The following LY96 variants were observed in gnomAD, a reference collection of about 807,000 sequenced individuals.
LY96 encodes the protein lymphocyte antigen 96.
A neutral mutation model predicts 18.9 loss-of-function variants in LY96; 18 were observed. The observed-to-expected ratio is 0.95, with a 90% CI of 0.66 to 1.41. The LOEUF is 1.41. Ranked by LOEUF, LY96 falls within the 40% of genes most tolerant of loss-of-function variation. The pLI, the probability that LY96 is intolerant of heterozygous loss-of-function variation, is 0.00. For missense variants in LY96, 175 were observed against 182.4 expected (o/e 0.96, Z 0.23); for synonymous variants, 66 against 62.6 (o/e 1.06, Z -0.26).
At chr8:74,094,961 G>C in the LY96 span, among the ~76,000 whole-genome samples, 1 of 152,224 alleles carries the variant, frequency 6.6e-6, no homozygotes, top group Non-Finnish European at 1.5e-5. Context: ...TGATTTTACA[G>C]AGTTGATAGA....
intron 1 of LY96, among the ~76,000 whole-genome samples, chr8:73,997,392 T>C (rs1350766263): frequency 6.6e-6 from 1 of 152,160 alleles, no homozygotes; most frequent in Non-Finnish European, 1.5e-5. Context: ...TAAATTGCCC[T>C]CCCTCTGCTT....
chr8:74,001,050 A>C (rs977271628), intron 1 of LY96, among the ~76,000 whole-genome samples: 2 of 152,170 alleles, frequency 1.3e-5, no homozygotes, highest in African/African-American at 4.8e-5. Flanking sequence ...CTGGGGATTA[A>C]ATTTCCAATG....
chr8:74,001,331 C>G (rs1053544681), intron 1 of LY96, among the ~76,000 whole-genome samples: 26 of 150,880 alleles, frequency 1.7e-4, no homozygotes, highest in African/African-American at 6.3e-4. Flanking sequence ...CTGAGTGATT[C>G]TTGTGCCTCA....
At chr8:74,095,858 C>T in the LY96 span, among the ~76,000 whole-genome samples, 1 of 152,172 alleles carries the variant, frequency 6.6e-6, no homozygotes, top group African/African-American at 2.4e-5. Flanking sequence ...ACCTCCAGCC[C>T]ACACCTGTCC....
the LY96 span, among the ~76,000 whole-genome samples, chr8:74,066,015 G>A: frequency 6.6e-6 from 1 of 152,194 alleles, no homozygotes; most frequent in Non-Finnish European, 1.5e-5. Flanking sequence ...AACCTTGTAT[G>A]TGAGGGAAGG....
Position 73,995,126 on chromosome 8 carries a change from T to G in LY96, c.112+3572T>G, listed in dbSNP as rs549953147. Among the ~76,000 whole-genome samples the G allele has an allele frequency of 2.0e-5, 3 of 152,350 alleles. No individual in the cohort carries two copies. The East Asian group carries it at 5.8e-4, about 29-fold the overall frequency. On this transcript the variant is annotated intron_variant, in intron 1 of 4. Transcript: ENST00000284818. ...TAAAAAGACAAGTTTAGCCCCCTTATGTCTCCTGCTTTTGCCCCCTCTTGC... is the reference window on the plus strand; with the variant it reads ...TAAAAAGACAAGTTTAGCCCCCTTAGGTCTCCTGCTTTTGCCCCCTCTTGC...
chr8:74,021,686 G>A (rs1037123913), intron 3 of LY96, among the ~76,000 whole-genome samples: 1 of 152,160 alleles, frequency 6.6e-6, no homozygotes, highest in Non-Finnish European at 1.5e-5. Flanking sequence ...GTCCATCAAT[G>A]ATAGACGGGA....
chr8:74,093,630 T>G, the LY96 span, among the ~76,000 whole-genome samples: 2 of 152,138 alleles, frequency 1.3e-5, no homozygotes, highest in East Asian at 1.9e-4. Flanking sequence ...CTCAGCCCCG[T>G]GGGAGCAGAT....
intron 1 of LY96, among the ~76,000 whole-genome samples, chr8:73,992,435 A>C (rs1018435181): frequency 3.3e-5 from 5 of 152,178 alleles, no homozygotes; most frequent in African/African-American, 1.2e-4. Context: ...ATCATCTGGG[A>C]GAGATTTACA....
intron 3 of LY96, among the ~76,000 whole-genome samples, chr8:74,020,460 G>A (rs1326600696): frequency 6.6e-6 from 1 of 152,148 alleles, no homozygotes; most frequent in Non-Finnish European, 1.5e-5. Flanking sequence ...CTCATGGATG[G>A]GAGGAATCAA....
intron 3 of LY96, among the ~76,000 whole-genome samples, chr8:74,011,868 A>G (rs1320617528): frequency 6.6e-6 from 1 of 152,052 alleles, no homozygotes; most frequent in African/African-American, 2.4e-5. Flanking sequence ...CAAAAAAAAA[A>G]AAAAAAAAAG....
At chr8:74,061,523 TAGAC>T in the LY96 span, among the ~76,000 whole-genome samples, 13 of 152,328 alleles carry the variant, frequency 8.5e-5, no homozygotes, top group Admixed American at 7.8e-4. Flanking sequence ...AAGTTTCAGT[TAGAC>T]AGCAGGAATA....
In LY96 at chr8:73,996,393, CTTTCTTTCTTTCTTTCTTTCTTTCTTT is replaced by C. The variant is rs1563707952; in HGVS notation, c.112+4840_112+4866del. Among the ~76,000 whole-genome samples the C allele has an allele frequency of 8.0e-4, 35 of 43,550 alleles. 2 individuals are homozygous for C. The highest frequency in any genetic ancestry group is 1.6e-3 in the African/African-American group (15 of 9,482). 28.6% of individuals were successfully genotyped at this position (43,550 alleles called of 152,430 possible). The stretch of plus-strand genomic sequence containing the variant: ...CATTCCTTTCTTTCTTTCTTTCTTT[CTTTCTTTCTTTCTTTCTTTCTTTCTTT>C]CTTTCTTTCTTTCTTTCTTTTTCTG... On this transcript the variant is annotated intron_variant, in intron 1 of 4. Transcript: ENST00000284818.
chr8:73,994,482 G>A (rs967291488), intron 1 of LY96, among the ~76,000 whole-genome samples: 1 of 152,068 alleles, frequency 6.6e-6, no homozygotes, highest in Non-Finnish European at 1.5e-5. Context: ...AAGCTGCTGG[G>A]CATCTAAGTG....
At chr8:74,076,583 T>C in the LY96 span, among the ~76,000 whole-genome samples, 5 of 152,012 alleles carry the variant, frequency 3.3e-5, no homozygotes, top group Non-Finnish European at 7.4e-5. Context: ...CCTTGGCCTC[T>C]CAAAGTGCTG....
chr8:74,050,950 G>A, the LY96 span, among the ~76,000 whole-genome samples: 3 of 152,188 alleles, frequency 2.0e-5, no homozygotes, highest in Non-Finnish European at 2.9e-5. Flanking sequence ...TTGAACCCAG[G>A]AGGTGGAGGT....
chr8:74,055,480 T>C, the LY96 span, among the ~76,000 whole-genome samples: 19 of 152,126 alleles, frequency 1.2e-4, no homozygotes, highest in South Asian at 6.2e-4. Flanking sequence ...TTGTGAAGTT[T>C]AAATCAATTG....
chr8:74,026,037 A>G (rs1395934776), intron 3 of LY96, among the ~76,000 whole-genome samples: 1 of 152,158 alleles, frequency 6.6e-6, no homozygotes, highest in Admixed American at 6.5e-5. Flanking sequence ...AAACAGAAAG[A>G]GGATACATCC....
the LY96 span, among the ~76,000 whole-genome samples, chr8:74,091,762 T>G: frequency 6.6e-6 from 1 of 152,176 alleles, no homozygotes; most frequent in Non-Finnish European, 1.5e-5. Context: ...GAGACCTCTG[T>G]CCAAGGGGCA....
Sources: gnomAD v4.1 joint callset for allele counts (sites outside exome capture counted in the v4.1 genomes callset) on GRCh38, gnomAD v4.1.1 for gene constraint, MANE v1.5 for transcripts, NCBI Gene and HGNC (gene_info 2026-07-23, HGNC 2026-07-21) for gene names.